The following LRRC4C variants were observed in gnomAD, a reference collection of about 807,000 sequenced individuals.
The protein encoded by LRRC4C is leucine-rich repeat-containing protein 4C.
In LRRC4C, 5 loss-of-function variants were observed where a neutral mutation model predicts 33.6. That is an observed-to-expected ratio of 0.15 (90% CI 0.08 to 0.31). The LOEUF is 0.31. Ranked by LOEUF, LRRC4C falls within the 10% of genes least tolerant of loss-of-function variation. The probability of loss-of-function intolerance (pLI) is 1.00; values close to 1 mark genes in which losing one functional copy is unlikely to be tolerated. For synonymous variants in LRRC4C, 329 were observed against 302.0 expected, an observed-to-expected ratio of 1.09 and a Z score of -0.93; for missense variants, 560 against 796.7, an observed-to-expected ratio of 0.70 and a Z score of 3.58.
intron 2 of LRRC4C, among the ~76,000 whole-genome samples, chr11:40,768,117 A>G (rs189518663): frequency 6.6e-6 from 1 of 152,188 alleles, no homozygotes; most frequent in African/African-American, 2.4e-5. Context: ...AAATAAATAA[A>G]ACAGAAATAA....
chr11:40,115,363 C>T lies in LRRC4C; in HGVS notation c.930G>A (p.Leu310=), dbSNP rs767521763. The T allele has an allele frequency of 1.9e-6, 3 of 1,614,198 alleles. No homozygotes were observed. Among genetic ancestry groups the T allele is most frequent in the South Asian group, 1.1e-5 (1 of 91,080 alleles). ...HNPWNCNCDI[L]WLSWWIKDMA... ...TGTCTTTTATCCACCAGCTGAGCCA[C>T]AGTATGTCACAGTTACAGTTCCAAG... Residue 310 remains leucine, a synonymous_variant, in exon 7 of 7, where the codon CTG becomes CTA. Coordinates refer to ENST00000528697, the MANE Select transcript of LRRC4C (RefSeq NM_001258419.2). This position sits in a 1 kb window ranked among gnomAD's most constrained non-coding sequence, Gnocchi z 6.7.
chr11:40,377,729 T>A (rs988336559), intron 3 of LRRC4C, among the ~76,000 whole-genome samples: 15 of 152,086 alleles, frequency 9.9e-5, no homozygotes, highest in Admixed American at 7.9e-4. Context: ...ATCCAGAAGT[T>A]TTTTGAGAGG....
chr11:41,117,000 C>T (rs888084648), intron 1 of LRRC4C, among the ~76,000 whole-genome samples: 1 of 151,490 alleles, frequency 6.6e-6, no homozygotes, highest in Non-Finnish European at 1.5e-5. Context: ...TGAACCTGGA[C>T]TGGCATCAGG....
chr11:40,495,193 G>C (rs996800428), intron 3 of LRRC4C, among the ~76,000 whole-genome samples: 1 of 152,130 alleles, frequency 6.6e-6, no homozygotes, highest in Non-Finnish European at 1.5e-5. Context: ...ATGTGCTGTT[G>C]CAAGTATTTA....
At chr11:41,126,509 T>G (rs1167963854) in intron 1 of LRRC4C, among the ~76,000 whole-genome samples, 1 of 151,958 alleles carries the variant, frequency 6.6e-6, no homozygotes, top group East Asian at 1.9e-4. Flanking sequence ...CAAAATGTTT[T>G]GCATGCTGAA....
chr11:41,242,468 T>C (rs1948291760), intron 1 of LRRC4C, among the ~76,000 whole-genome samples: 1 of 152,146 alleles, frequency 6.6e-6, no homozygotes, highest in African/African-American at 2.4e-5. Flanking sequence ...GGATGGCACC[T>C]AGAAAATTCA....
intron 6 of LRRC4C, among the ~76,000 whole-genome samples, chr11:40,125,881 T>C (rs747379323): frequency 2.6e-5 from 4 of 152,190 alleles, no homozygotes; most frequent in Non-Finnish European, 5.9e-5. Context: ...TTTCCTAATA[T>C]AGATCATTTA....
chr11:40,345,040 G>T (rs11035791), intron 3 of LRRC4C, among the ~76,000 whole-genome samples: 1 of 152,072 alleles, frequency 6.6e-6, no homozygotes, highest in African/African-American at 2.4e-5. Context: ...CATGCTCATA[G>T]GAAGAAGAAT....
At chr11:40,584,866 A>T (rs1958640937) in intron 3 of LRRC4C, among the ~76,000 whole-genome samples, 1 of 151,002 alleles carries the variant, frequency 6.6e-6, no homozygotes, top group Admixed American at 6.6e-5. Context: ...TGGGAGGCGG[A>T]GGTTGCAGTG....
intron 6 of LRRC4C, among the ~76,000 whole-genome samples, chr11:40,117,730 G>A (rs1855536704): frequency 6.6e-6 from 1 of 151,454 alleles, no homozygotes; most frequent in Non-Finnish European, 1.5e-5. Flanking sequence ...CAGTGGGAGG[G>A]GTCACCACAT....
intron 1 of LRRC4C, among the ~76,000 whole-genome samples, chr11:40,942,864 C>T (rs1958218885): frequency 6.6e-6 from 1 of 152,140 alleles, no homozygotes; most frequent in Admixed American, 6.5e-5. Flanking sequence ...CACCTACCAA[C>T]CATATGAACA....
At chr11:40,795,740 G>A (rs1348342261) in intron 2 of LRRC4C, among the ~76,000 whole-genome samples, 2 of 152,062 alleles carry the variant, frequency 1.3e-5, no homozygotes, top group Non-Finnish European at 2.9e-5. Flanking sequence ...CAAAAGAGAC[G>A]AAATATAATT....
At chr11:40,605,610 G>A (rs1464871650) in intron 3 of LRRC4C, among the ~76,000 whole-genome samples, 1 of 152,154 alleles carries the variant, frequency 6.6e-6, no homozygotes, top group Non-Finnish European at 1.5e-5. Flanking sequence ...CTCCCTGGGG[G>A]AAGAAAAGAA....
intron 5 of LRRC4C, among the ~76,000 whole-genome samples, chr11:40,191,468 T>C (rs1490636763): frequency 6.6e-6 from 1 of 152,198 alleles, no homozygotes; most frequent in Non-Finnish European, 1.5e-5. Flanking sequence ...TGCATGATTG[T>C]GGCAATTCCC....
intron 1 of LRRC4C, among the ~76,000 whole-genome samples, chr11:41,294,294 C>T (rs1950076327): frequency 6.6e-6 from 1 of 152,180 alleles, no homozygotes; most frequent in Non-Finnish European, 1.5e-5. Flanking sequence ...TCTGAAAAAT[C>T]CAGGTCACAG....
intron 3 of LRRC4C, among the ~76,000 whole-genome samples, chr11:40,540,092 G>A (rs1956641538): frequency 1.3e-5 from 2 of 151,994 alleles, no homozygotes; most frequent in Admixed American, 1.3e-4. Context: ...CTACTCATTG[G>A]GACTCATTGA....
In LRRC4C at chr11:40,972,625, G is replaced by A. The variant is rs549006273; in HGVS notation, c.-495-38902C>T. Among the ~76,000 whole-genome samples the A allele has an allele frequency of 7.6e-4, 115 of 152,178 alleles. 1 individual carries two copies. The highest frequency in any genetic ancestry group is 2.6e-3 in the African/African-American group (107 of 41,518). ...GAGGGCTGAAGAAACTTACAATTAC[G>A]GCAGAAGGCACCTCTTCACAAGGCG... On this transcript the variant is annotated intron_variant, in intron 1 of 6. Transcript: ENST00000528697.
chr11:41,364,897 G>T (rs967195615), intron 1 of LRRC4C, among the ~76,000 whole-genome samples: 4 of 151,922 alleles, frequency 2.6e-5, no homozygotes, highest in Non-Finnish European at 5.9e-5. Context: ...GATATCTAAG[G>T]CGGAAATATA....
At chr11:41,176,505 G>A (rs2136124421) in intron 1 of LRRC4C, among the ~76,000 whole-genome samples, 1 of 152,222 alleles carries the variant, frequency 6.6e-6, no homozygotes, top group South Asian at 2.1e-4. Context: ...ACTATCAAAT[G>A]TCAGGTGTAG....
Sources: gnomAD v4.1 joint callset for allele counts (sites outside exome capture counted in the v4.1 genomes callset) on GRCh38, gnomAD v4.1.1 for gene constraint, Gnocchi (gnomAD v3.1) non-coding constraint, MANE v1.5 for transcripts, NCBI Gene and HGNC (gene_info 2026-07-23, HGNC 2026-07-21) for gene names.